PPARD: variants seen among roughly 807,000 people sequenced by gnomAD.
PPARD encodes the protein peroxisome proliferator activated receptor delta, also known as peroxisome proliferator-activated receptor delta.
In PPARD, 6 loss-of-function variants were observed where a neutral mutation model predicts 39.5. The observed-to-expected ratio is 0.15, with a 90% CI of 0.08 to 0.30. PPARD has a LOEUF of 0.30. PPARD is among the 10% of genes least tolerant of loss of function. The pLI, the probability that PPARD is intolerant of heterozygous loss-of-function variation, is 1.00. For synonymous variants in PPARD, 210 were observed against 231.3 expected (o/e 0.91, Z 0.83); for missense variants, 397 against 596.8 (o/e 0.67, Z 3.49).
At position 35,412,172 on chromosome 6, in the gene PPARD, C is replaced by T. The variant is rs1258181057; in HGVS notation, c.130+955C>T. ...TCTCGAACCGCTGGGCTCAAGCAAT[C>T]CACCCACCTCAGCCTCCCAAAGTGC... On this transcript the variant is annotated intron_variant, in intron 3 of 7. Coordinates refer to ENST00000360694, the MANE Select transcript of PPARD (RefSeq NM_006238.5). This position sits in a 1 kb window ranked among gnomAD's most constrained non-coding sequence, Gnocchi z 4.1. 4.6e-5 allele frequency among the ~76,000 whole-genome samples: 7 copies of T among 152,134 alleles called. No individual in the cohort carries two copies. Among genetic ancestry groups the T allele is most frequent in the Admixed American group, 2.0e-4 (3 of 15,278 alleles).
At chr6:35,374,249 G>A (rs546175250) in intron 2 of PPARD, among the ~76,000 whole-genome samples, 1 of 148,982 alleles carries the variant, frequency 6.7e-6, no homozygotes, top group South Asian at 2.1e-4. Context: ...AACTTAGATG[G>A]ACCAGGCATA....
At chr6:35,420,021 CCA>C in intron 3 of PPARD, 104 bp from the exon 4 acceptor site, 1 of 1,355,516 alleles carries the variant, frequency 7.4e-7, no homozygotes, top group Non-Finnish European at 1.0e-6. Context: ...CTCCCTGAGG[CCA>C]CACAGCTGTT....
At chr6:35,423,691 G>A (rs1236119835) in intron 5 of PPARD, among the ~76,000 whole-genome samples, 2 of 151,984 alleles carry the variant, frequency 1.3e-5, no homozygotes, top group East Asian at 3.9e-4. Flanking sequence ...TAGAGTCCTT[G>A]TGTGCTGGGC....
intron 2 of PPARD, among the ~76,000 whole-genome samples, chr6:35,393,762 C>G (rs893253571): frequency 6.6e-6 from 1 of 152,194 alleles, no homozygotes; most frequent in East Asian, 1.9e-4. Context: ...TCCTTTCACT[C>G]TGGTTCTTCC....
At chr6:35,397,189 C>A (rs1764383787) in intron 2 of PPARD, among the ~76,000 whole-genome samples, 1 of 150,398 alleles carries the variant, frequency 6.6e-6, no homozygotes. Context: ...CCCACCCCCA[C>A]CCTGGGTCTG....
In PPARD at chr6:35,398,984, G is replaced by A. The variant is rs570400998; in HGVS notation, c.-101-12003G>A. Among the ~76,000 whole-genome samples the A allele has an allele frequency of 5.9e-5, 9 of 152,142 alleles. No individual in the cohort carries two copies. In the South Asian group the frequency reaches 6.2e-4, roughly 11 times the overall value. Reference sequence around the variant, plus strand: ...ATAAAAATTAGCCGGGCGTGGTGACGCATGTCTGTAGTCCCAGCTATGGGA... The same window carrying A: ...ATAAAAATTAGCCGGGCGTGGTGACACATGTCTGTAGTCCCAGCTATGGGA... On this transcript the variant is annotated intron_variant, in intron 2 of 7. Transcript: ENST00000360694.
chr6:35,418,947 A>T (rs1231978750), intron 3 of PPARD, among the ~76,000 whole-genome samples: 1 of 152,078 alleles, frequency 6.6e-6, no homozygotes. Flanking sequence ...GAGTGGGGAG[A>T]CCATGTGGGA....
At chr6:35,408,841 T>G (rs901479820) in intron 2 of PPARD, among the ~76,000 whole-genome samples, 2 of 152,254 alleles carry the variant, frequency 1.3e-5, no homozygotes, top group African/African-American at 2.4e-5. Context: ...ACATATCCTT[T>G]ACCCAGCTCA....
At chr6:35,368,049 C>T (rs1043352203) in intron 2 of PPARD, among the ~76,000 whole-genome samples, 1 of 152,268 alleles carries the variant, frequency 6.6e-6, no homozygotes, top group African/African-American at 2.4e-5. Flanking sequence ...TACTGCATCC[C>T]TTTCTGCTTC....
chr6:35,379,376 A>G (rs1763005384), intron 2 of PPARD, among the ~76,000 whole-genome samples: 1 of 152,166 alleles, frequency 6.6e-6, no homozygotes, highest in African/African-American at 2.4e-5. Context: ...TGCTGGTATT[A>G]CAGGCATGAG....
Position 35,421,939 on chromosome 6 carries a change from A to C in PPARD, c.405A>C (p.Ala135=), listed in dbSNP as rs770007748. 16 of 1,612,986 alleles carry C rather than the reference A, an allele frequency of 9.9e-6. No individual in the cohort carries two copies. Among genetic ancestry groups the C allele is most frequent in the Non-Finnish European group, 1.4e-5 (16 of 1,179,418 alleles). ...ACTGCCGCTTCCAGAAGTGCCTGGC[A>C]CTGGGCATGTCACACAACGGTGAGA... The part of the protein sequence containing the change: ...CQYCRFQKCL[A]LGMSHNAIRF... The change falls in exon 5 of 8, where the codon GCA becomes GCC. Residue 135 remains alanine, a synonymous_variant. Transcript: ENST00000360694.
rs1049249809 is a variant in PPARD, at chr6:35,420,453, CAGG to C, written c.285+175_285+177del. ...CTCCAGACCTCAGCTCTGGGCACTG[CAGG>C]AGAAGAGGGGGTTCCCTTGTCAAGC... On this transcript the variant is annotated intron_variant, in intron 4 of 7. Coordinates refer to ENST00000360694, the MANE Select transcript of PPARD (RefSeq NM_006238.5). Among the ~76,000 whole-genome samples, 77 of 152,290 alleles carry C rather than the reference CAGG, an allele frequency of 5.1e-4. 1 individual carries two copies. Among genetic ancestry groups the C allele is most frequent in the African/African-American group, 1.7e-3 (70 of 41,548 alleles).
chr6:35,414,118 A>G (rs1175072520), intron 3 of PPARD, among the ~76,000 whole-genome samples: 1 of 152,176 alleles, frequency 6.6e-6, no homozygotes, highest in Non-Finnish European at 1.5e-5. Flanking sequence ...GAACGTGCCC[A>G]TCTGTGGGGA....
At chr6:35,418,290 T>C (rs914138855) in intron 3 of PPARD, among the ~76,000 whole-genome samples, 6 of 152,090 alleles carry the variant, frequency 3.9e-5, no homozygotes, top group African/African-American at 7.2e-5. Flanking sequence ...TGTCATGTTA[T>C]CTCTTTTTCT....
intron 2 of PPARD, among the ~76,000 whole-genome samples, chr6:35,374,530 C>T (rs1252893909): frequency 6.6e-6 from 1 of 151,598 alleles, no homozygotes; most frequent in East Asian, 1.9e-4. Context: ...TGGTGGCAGG[C>T]ACCTGTAGTC....
At chr6:35,389,985 C>T (rs1017655423) in intron 2 of PPARD, among the ~76,000 whole-genome samples, 1 of 152,180 alleles carries the variant, frequency 6.6e-6, no homozygotes, top group Non-Finnish European at 1.5e-5. Context: ...GTCTATACAC[C>T]TTAGAAACTA....
chr6:35,410,956 CT>C (rs1765385314), intron 2 of PPARD, 30 bp from the exon 3 acceptor site: 2 of 1,262,876 alleles, frequency 1.6e-6, no homozygotes, highest in Non-Finnish European at 2.0e-6. Context: ...ACTGCCTCCC[CT>C]GACCTCTTCC....
chr6:35,421,101 A>G (rs1328641218), intron 4 of PPARD, among the ~76,000 whole-genome samples: 1 of 152,030 alleles, frequency 6.6e-6, no homozygotes. Flanking sequence ...TGCTAGGATT[A>G]CAGGTGTGAA....
intron 2 of PPARD, among the ~76,000 whole-genome samples, chr6:35,387,985 G>C (rs374933622): frequency 6.7e-6 from 1 of 148,942 alleles, no homozygotes. Context: ...GCCTCCCAAA[G>C]TGCTGAGATT....
Sources: allele counts gnomAD v4.1 joint callset (sites outside exome capture counted in the v4.1 genomes callset), GRCh38; gene constraint gnomAD v4.1.1; non-coding constraint Gnocchi (gnomAD v3.1); transcripts MANE v1.5; gene names NCBI Gene and HGNC (gene_info 2026-07-23, HGNC 2026-07-21).